RASGRF2: variants seen among roughly 807,000 people sequenced by gnomAD.
RASGRF2 encodes the protein Ras protein specific guanine nucleotide releasing factor 2, also known as ras-specific guanine nucleotide-releasing factor 2.
A neutral mutation model predicts 151.0 loss-of-function variants in RASGRF2; 76 were observed. The observed-to-expected ratio is 0.50, with a 90% confidence interval of 0.42 to 0.61. The LOEUF is 0.61. Among genes scored for constraint, RASGRF2 ranks in the 20% least tolerant of loss-of-function variants. The pLI, the probability that RASGRF2 is intolerant of heterozygous loss-of-function variation, is 0.00. For missense variants in RASGRF2, 1,148 were observed against 1,564.6 expected (o/e 0.73, Z 4.49); for synonymous variants, 504 against 566.5 (o/e 0.89, Z 1.57).
At chr5:81,043,644 G>C (rs1480128498) in intron 2 of RASGRF2, among the ~76,000 whole-genome samples, 6 of 152,122 alleles carry the variant, frequency 3.9e-5, no homozygotes, top group Non-Finnish European at 8.8e-5. Flanking sequence ...CCCTAAACCT[G>C]GTTCAGTTTT....
intron 18 of RASGRF2, among the ~76,000 whole-genome samples, chr5:81,192,111 T>G (rs550938333): frequency 3.2e-4 from 48 of 152,204 alleles, no homozygotes; most frequent in Admixed American, 7.8e-4. Flanking sequence ...TGGACTTTTA[T>G]GCATTCATTC....
At chr5:81,142,118 A>G (rs887955778) in intron 17 of RASGRF2, among the ~76,000 whole-genome samples, 6 of 152,212 alleles carry the variant, frequency 3.9e-5, no homozygotes, top group Non-Finnish European at 7.3e-5. Flanking sequence ...CAGGAATTAC[A>G]TATCAATTTT....
intron 26 of RASGRF2, among the ~76,000 whole-genome samples, chr5:81,220,250 T>G (rs1390307107): frequency 1.3e-5 from 2 of 152,176 alleles, no homozygotes; most frequent in African/African-American, 4.8e-5. Flanking sequence ...TGGCCCCTAC[T>G]TTTTTCTTAA....
intron 17 of RASGRF2, among the ~76,000 whole-genome samples, chr5:81,176,385 C>A (rs74365480): frequency 0.016 from 2,416 of 152,306 alleles, 52 homozygotes; most frequent in Admixed American, 0.065. Context: ...CTTTAGACAT[C>A]TTTGACATGC....
intron 19 of RASGRF2, among the ~76,000 whole-genome samples, chr5:81,205,537 C>A (rs1755486258): frequency 6.6e-6 from 1 of 152,190 alleles, no homozygotes; most frequent in South Asian, 2.1e-4. Context: ...AGGAAGCCAT[C>A]TCTGTTGATA....
intron 1 of RASGRF2, among the ~76,000 whole-genome samples, chr5:81,032,883 T>C (rs1373694199): frequency 1.3e-5 from 2 of 152,216 alleles, no homozygotes; most frequent in Admixed American, 6.5e-5. Context: ...GACATGATTG[T>C]ATATTTAGAA....
intron 2 of RASGRF2, among the ~76,000 whole-genome samples, chr5:81,066,682 C>T (rs1751616667): frequency 6.6e-6 from 1 of 152,198 alleles, no homozygotes; most frequent in African/African-American, 2.4e-5. Flanking sequence ...ACTGTTTTGG[C>T]TCGGATGTGG....
At position 81,073,338 on chromosome 5, in the gene RASGRF2, A is replaced by G. The variant is rs761659136; in HGVS notation, c.773A>G (p.Tyr258Cys). The change falls in exon 5 of 27, where the codon TAC becomes TGC. Residue 258 changes from tyrosine to cysteine, a missense_variant. Physicochemically the swap from Tyr to Cys is radical, Grantham distance 194 (BLOSUM62 -2). Coordinates refer to ENST00000265080, the MANE Select transcript of RASGRF2 (RefSeq NM_006909.3). ...VFTMVEAESEYVHQLYILVNG... is the reference protein window; with the variant it reads ...VFTMVEAESECVHQLYILVNG... ...ACCATGGTGGAGGCAGAGTCAGAGT[A>G]CGTTCACCAGCTCTACATCCTGGTC... 6.2e-7 allele frequency: 1 copy of G among 1,614,154 alleles called. No homozygotes were observed. Among genetic ancestry groups the G allele is most frequent in the South Asian group, 1.1e-5 (1 of 91,082 alleles).
At chr5:81,095,398 A>G (rs934801647) in intron 12 of RASGRF2, among the ~76,000 whole-genome samples, 2 of 152,266 alleles carry the variant, frequency 1.3e-5, no homozygotes, top group Non-Finnish European at 2.9e-5. Context: ...GCAGGAAATC[A>G]TGAATTAAAG....
At chr5:81,019,199 A>C (rs536113612) in intron 1 of RASGRF2, among the ~76,000 whole-genome samples, 1 of 151,394 alleles carries the variant, frequency 6.6e-6, no homozygotes, top group Non-Finnish European at 1.5e-5. Flanking sequence ...CCTGGACTTC[A>C]GAGGACCACT....
intron 15 of RASGRF2, among the ~76,000 whole-genome samples, chr5:81,117,049 A>C (rs866236207): frequency 3.9e-5 from 6 of 152,196 alleles, no homozygotes; most frequent in Non-Finnish European, 8.8e-5. Context: ...TTCCACTTTA[A>C]CTTGTTGTGC....
At chr5:81,131,076 C>T (rs1220561459) in intron 17 of RASGRF2, among the ~76,000 whole-genome samples, 1 of 152,192 alleles carries the variant, frequency 6.6e-6, no homozygotes, top group Non-Finnish European at 1.5e-5. Flanking sequence ...TGCTCTCAAA[C>T]ATTAACTCTA....
At chr5:81,026,292 C>T (rs185950689) in intron 1 of RASGRF2, among the ~76,000 whole-genome samples, 1 of 151,458 alleles carries the variant, frequency 6.6e-6, no homozygotes, top group East Asian at 1.9e-4. Context: ...TGTTCTTTCT[C>T]CTGGCCAGTG....
In RASGRF2 at chr5:80,990,447, G is replaced by A. The variant is rs147839954; in HGVS notation, c.288+29421G>A. On this transcript the variant is annotated intron_variant, in intron 1 of 26. Transcript: ENST00000265080. ...TGCCAGTGAAAGGAGTCGGGAGGGGGCTCCAGGAAGAAGTCGTCTAGACCC... is the reference window on the plus strand; with the variant it reads ...TGCCAGTGAAAGGAGTCGGGAGGGGACTCCAGGAAGAAGTCGTCTAGACCC... 6.6e-4 allele frequency among the ~76,000 whole-genome samples: 101 copies of A among 152,254 alleles called. 2 individuals carry two copies. Among genetic ancestry groups the A allele is most frequent in the African/African-American group, 2.3e-3 (96 of 41,544 alleles).
At chr5:81,098,660 T>A (rs1752615158) in intron 12 of RASGRF2, among the ~76,000 whole-genome samples, 1 of 152,194 alleles carries the variant, frequency 6.6e-6, no homozygotes, top group Non-Finnish European at 1.5e-5. Flanking sequence ...ATTGTTCTAG[T>A]ATACTTAGTG....
intron 1 of RASGRF2, among the ~76,000 whole-genome samples, chr5:80,999,470 G>A (rs1749008193): frequency 6.6e-6 from 1 of 152,180 alleles, no homozygotes; most frequent in Non-Finnish European, 1.5e-5. Context: ...AGCCTCCTGA[G>A]TAGCTAGGAC....
At chr5:80,970,768 G>T (rs1044851426) in intron 1 of RASGRF2, among the ~76,000 whole-genome samples, 1 of 152,196 alleles carries the variant, frequency 6.6e-6, no homozygotes, top group Admixed American at 6.5e-5. Context: ...CTATGGACGA[G>T]GGTGTTTCAC....
intron 22 of RASGRF2, among the ~76,000 whole-genome samples, chr5:81,211,196 C>T (rs946582854): frequency 2.6e-5 from 4 of 151,674 alleles, no homozygotes; most frequent in Non-Finnish European, 5.9e-5. Context: ...TCCTAGAAGC[C>T]TCCTCTGTAC....
chr5:81,046,988 A>G (rs181125835), intron 2 of RASGRF2, among the ~76,000 whole-genome samples: 1 of 152,276 alleles, frequency 6.6e-6, no homozygotes, highest in East Asian at 1.9e-4. Context: ...AAGGTTCTCC[A>G]GAGATGTAGG....
Sources: gnomAD v4.1 joint callset for allele counts (sites outside exome capture counted in the v4.1 genomes callset) on GRCh38, gnomAD v4.1.1 for gene constraint, MANE v1.5 for transcripts, NCBI Gene and HGNC (gene_info 2026-07-23, HGNC 2026-07-21) for gene names.